The following RNF38 variants were observed in gnomAD, a reference collection of about 807,000 sequenced individuals.
RNF38 encodes the protein E3 ubiquitin-protein ligase RNF38.
A neutral mutation model predicts 67.2 loss-of-function variants in RNF38; 15 were observed. The observed-to-expected ratio is 0.22, with a 90% CI of 0.15 to 0.34. RNF38 has a LOEUF of 0.34. RNF38 is among the 10% of genes least tolerant of loss of function. RNF38 has a pLI of 1.00. For synonymous variants in RNF38, 220 were observed against 218.8 expected, an observed-to-expected ratio of 1.01 and a Z score of -0.05; for missense variants, 524 against 639.9, an observed-to-expected ratio of 0.82 and a Z score of 1.95.
chr9:36,356,210 T>A (rs1834094796), intron 6 of RNF38, 93 bp downstream of exon 6: 1 of 1,224,212 alleles, frequency 8.2e-7, no homozygotes, highest in Non-Finnish European at 1.2e-6. Context: ...GGTTCTTAAA[T>A]CCACTAAGGT....
chr9:36,418,181 A>G (rs1387531499), intron 2 of RNF38, among the ~76,000 whole-genome samples: 1 of 151,494 alleles, frequency 6.6e-6, no homozygotes, highest in Non-Finnish European at 1.5e-5. Flanking sequence ...GGTGTGTACC[A>G]CTAGGCCCAG....
At chr9:36,477,562 C>A (rs1174767309) in intron 1 of RNF38, among the ~76,000 whole-genome samples, 1 of 151,888 alleles carries the variant, frequency 6.6e-6, no homozygotes, top group Admixed American at 6.6e-5. Context: ...TGGCTCACAC[C>A]TGTAATCCCA....
chr9:36,364,065 A>T (rs1467605905), intron 4 of RNF38, among the ~76,000 whole-genome samples: 26 of 36,410 alleles, frequency 7.1e-4, no homozygotes, highest in Non-Finnish European at 1.8e-3. Context: ...CTTGACCTCA[A>T]GGGATCTGCC....
At chr9:36,469,642 C>A (rs1426849528) in intron 1 of RNF38, among the ~76,000 whole-genome samples, 2 of 151,938 alleles carry the variant, frequency 1.3e-5, no homozygotes, top group Non-Finnish European at 2.9e-5. Flanking sequence ...GCCTGGGCAA[C>A]AAGAGCAAAA....
chr9:36,376,926 CAAAAAAAAAAA>C (rs34112141), intron 2 of RNF38, among the ~76,000 whole-genome samples: 1 of 102,188 alleles, frequency 9.8e-6, no homozygotes, highest in Non-Finnish European at 2.0e-5. Context: ...GACTCTGTCT[CAAAAAAAAAAA>C]AAAAAAAAAA....
rs923174624 is a variant in RNF38 at position 36,474,939 on chromosome 9, C to CA, written n.241+12368dup. 8.0e-4 allele frequency among the ~76,000 whole-genome samples: 118 copies of CA among 147,152 alleles called. 4 individuals are homozygous for CA. Among genetic ancestry groups the CA allele is most frequent in the African/African-American group, 2.8e-3 (113 of 39,706 alleles). ...GGCGGATCACCTGAGGTCGGGAGTT[C>CA]AAAACCAGCCTGGCCAACATGGTGA... On this transcript the variant is annotated intron_variant and non_coding_transcript_variant, in intron 1 of 3. Coordinates refer to the RNF38 transcript ENST00000488058.
Position 36,369,736 on chromosome 9 carries a change from C to T in RNF38, c.553G>A (p.Val185Ile). 1 of 1,612,860 alleles carries T rather than the reference C, an allele frequency of 6.2e-7. No individual in the cohort carries two copies. The highest frequency in any genetic ancestry group is 8.5e-7 in the Non-Finnish European group (1 of 1,179,410). ...AHPPQQNAVM[V>I]DIHDQLHQGT... is the part of the protein sequence containing the mutation. ...TATTGTACCTGATCATGTATGTCAA[C>T]CATGACTGCATTCTGCTGGGGTGGA... The change falls in exon 4 of 12, where the codon GTT (valine) becomes ATT (isoleucine). Residue 185 changes from valine (V) to isoleucine (I), a missense_variant. Transcript: ENST00000259605.
intron 4 of RNF38, among the ~76,000 whole-genome samples, chr9:36,361,490 C>T (rs1834533805): frequency 6.6e-6 from 1 of 152,052 alleles, no homozygotes; most frequent in African/African-American, 2.4e-5. Flanking sequence ...TTTCCCCATA[C>T]TAAGAAAAAT....
At chr9:36,462,966 C>A (rs1839768516) in intron 1 of RNF38, among the ~76,000 whole-genome samples, 1 of 151,750 alleles carries the variant, frequency 6.6e-6, no homozygotes, top group African/African-American at 2.4e-5. Context: ...GCCACTGTAC[C>A]CCGCCCTGAT....
Position 36,409,317 on chromosome 9 carries a change from A to AG in RNF38, n.312+15295_312+15296insC, listed in dbSNP as rs1488033645. 2.2e-5 allele frequency among the ~76,000 whole-genome samples: 3 copies of AG among 138,250 alleles called. No individual in the cohort carries two copies. The East Asian group carries it at 5.8e-4, about 27-fold the overall frequency. The allele number at this position is 138,250 out of a possible 152,430, so 90.7% of individuals were successfully genotyped here. A position where few individuals can be genotyped will look rare whatever the true frequency, so the allele number is the denominator to read the frequency against. On this transcript the variant is annotated intron_variant and non_coding_transcript_variant, in intron 2 of 3. Transcript: ENST00000488058. ...AAAGAGAGAGAAAGAAAAAGAAAGA[A>AG]AGAAAGAAAAAGAAAGAAAGAAAGA... is the stretch of plus-strand genomic sequence containing the variant.
At chr9:36,389,556 G>A (rs530723486) in intron 2 of RNF38, among the ~76,000 whole-genome samples, 4 of 152,142 alleles carry the variant, frequency 2.6e-5, no homozygotes, top group African/African-American at 9.6e-5. Context: ...TATTGTGAGG[G>A]CTAAAAACAA....
At chr9:36,476,954 G>A (rs962813425) in intron 1 of RNF38, among the ~76,000 whole-genome samples, 3 of 152,106 alleles carry the variant, frequency 2.0e-5, no homozygotes, top group South Asian at 4.1e-4. Context: ...CACCATAGAC[G>A]TAAATGCTAA....
intron 1 of RNF38, among the ~76,000 whole-genome samples, chr9:36,435,380 T>C (rs967197142): frequency 6.6e-6 from 1 of 151,980 alleles, no homozygotes; most frequent in Admixed American, 6.6e-5. Context: ...AACACGAGAG[T>C]AGTAATTTTT....
intron 1 of RNF38, among the ~76,000 whole-genome samples, chr9:36,430,619 C>G (rs577302815): frequency 1.3e-5 from 2 of 152,018 alleles, no homozygotes; most frequent in African/African-American, 4.8e-5. Flanking sequence ...ATAAGAGGAC[C>G]AAGAAGGAAA....
chr9:36,480,548 CTTT>C (rs3072687), intron 1 of RNF38, among the ~76,000 whole-genome samples: 1 of 100,816 alleles, frequency 9.9e-6, no homozygotes, highest in Non-Finnish European at 1.9e-5. Flanking sequence ...TTTTCTTTTT[CTTT>C]TTTTTTTTTT....
intron 9 of RNF38, among the ~76,000 whole-genome samples, chr9:36,346,545 T>C (rs1411721584): frequency 2.0e-5 from 3 of 152,170 alleles, no homozygotes; most frequent in Non-Finnish European, 4.4e-5. Flanking sequence ...ATGACTCTAA[T>C]AACTCATTTG....
At chr9:36,485,204 T>C (rs1296335566) in intron 1 of RNF38, among the ~76,000 whole-genome samples, 2 of 152,040 alleles carry the variant, frequency 1.3e-5, no homozygotes, top group African/African-American at 2.4e-5. Flanking sequence ...TAAATAAAAA[T>C]ATATGTAGTC....
intron 1 of RNF38, among the ~76,000 whole-genome samples, chr9:36,391,655 C>T (rs1317734634): frequency 6.7e-6 from 1 of 149,948 alleles, no homozygotes. Context: ...CGCTGTCGCC[C>T]AGGCTGGAGT....
intron 1 of RNF38, among the ~76,000 whole-genome samples, chr9:36,458,252 G>A (rs887426495): frequency 1.3e-5 from 2 of 152,198 alleles, no homozygotes; most frequent in Admixed American, 6.5e-5. Context: ...TTAAAGGATT[G>A]TAAGCACACC....
Sources: allele counts gnomAD v4.1 joint callset (sites outside exome capture counted in the v4.1 genomes callset), GRCh38; gene constraint gnomAD v4.1.1; transcripts MANE v1.5; gene names NCBI Gene and HGNC (gene_info 2026-07-23, HGNC 2026-07-21).